PDLIM5: variants seen among roughly 807,000 people sequenced by gnomAD.
The protein encoded by PDLIM5 is PDZ and LIM domain 5.
PDLIM5 carries 34 observed loss-of-function variants against 64.2 expected under a neutral mutation model. The ratio of observed to expected loss-of-function variants is 0.53; its 90% CI spans 0.40 to 0.71. The LOEUF (loss-of-function observed/expected upper bound fraction) is 0.71, where lower values mean the gene tolerates loss of function less well. PDLIM5 is among the 30% of genes least tolerant of loss of function. The probability of loss-of-function intolerance (pLI) is 0.00; values close to 1 mark genes in which losing one functional copy is unlikely to be tolerated. For missense variants in PDLIM5, 683 were observed against 733.6 expected (o/e 0.93, Z 0.80); for synonymous variants, 253 against 269.1 (o/e 0.94, Z 0.59).
intron 2 of PDLIM5, among the ~76,000 whole-genome samples, chr4:94,461,237 A>G (rs1372366389): frequency 6.6e-6 from 1 of 152,222 alleles, no homozygotes; most frequent in African/African-American, 2.4e-5. Flanking sequence ...CCTTTATTTC[A>G]GTATCTGAGA....
chr4:94,594,483 G>T (rs544134063), intron 7 of PDLIM5, among the ~76,000 whole-genome samples: 1 of 151,930 alleles, frequency 6.6e-6, no homozygotes, highest in Admixed American at 6.6e-5. Flanking sequence ...AGAGGCAACA[G>T]CCATCTTATC....
At position 94,667,864 on chromosome 4, in the gene PDLIM5, G is replaced by A. The variant is rs1057494566; in HGVS notation, c.*3797G>A. On this transcript the variant is annotated 3_prime_UTR_variant, in exon 13 of 13. Coordinates refer to ENST00000317968, the MANE Select transcript of PDLIM5 (RefSeq NM_006457.5). ...TAATTTCTTCTTTACCCCCGTTCCA[G>A]TGTGAATCTAGTATTCTGTTAACAT... is the stretch of plus-strand genomic sequence containing the variant. 1.3e-5 allele frequency: 2 copies of A among 152,104 alleles called. No individual in the cohort carries two copies. The highest frequency in any genetic ancestry group is 1.5e-5 in the Non-Finnish European group (1 of 68,014). 9.4% of individuals were successfully genotyped at this position (152,104 alleles called of 1,614,324 possible). A position where few individuals can be genotyped will look rare whatever the true frequency, so the allele number is the denominator to read the frequency against.
At chr4:94,477,875 C>A (rs901716980) in intron 2 of PDLIM5, among the ~76,000 whole-genome samples, 10 of 152,110 alleles carry the variant, frequency 6.6e-5, no homozygotes, top group East Asian at 1.9e-4. Context: ...AGGATGAAGA[C>A]CTTTTTGATG....
rs914935014 is a variant in PDLIM5, at chr4:94,507,232, G to A, written c.97-16492G>A. Among the ~76,000 whole-genome samples the A allele has an allele frequency of 8.6e-5, 13 of 150,894 alleles. No homozygotes were observed. In the South Asian group the frequency reaches 2.7e-3, roughly 32 times the overall value. On this transcript the variant is annotated intron_variant, in intron 2 of 12. Transcript: ENST00000317968. ...AATAAATTCCCATATATATATATGG[G>A]ATATATATATATATCTCCTGTTGGT...
intron 9 of PDLIM5, among the ~76,000 whole-genome samples, chr4:94,646,675 A>G (rs940364816): frequency 1.3e-5 from 2 of 152,224 alleles, no homozygotes; most frequent in African/African-American, 2.4e-5. Flanking sequence ...TTTGAAAAGA[A>G]TGGAAAGCAG....
intron 8 of PDLIM5, among the ~76,000 whole-genome samples, chr4:94,627,430 G>C (rs990449946): frequency 6.6e-6 from 1 of 152,194 alleles, no homozygotes; most frequent in African/African-American, 2.4e-5. Context: ...CTCTTTCTGA[G>C]ATTAAAATAT....
intron 5 of PDLIM5, among the ~76,000 whole-genome samples, chr4:94,581,349 A>C (rs898956898): frequency 2.6e-5 from 4 of 152,174 alleles, no homozygotes; most frequent in Admixed American, 2.6e-4. Flanking sequence ...ATTTGCCCCC[A>C]TTTAACTTCA....
chr4:94,524,404 C>T (rs1382577323), intron 3 of PDLIM5, among the ~76,000 whole-genome samples: 2 of 146,814 alleles, frequency 1.4e-5, no homozygotes, highest in African/African-American at 5.0e-5. Flanking sequence ...ATTGTGTATA[C>T]AGCTTCAGAG....
chr4:94,618,029 T>C lies in PDLIM5; in HGVS notation c.946T>C (p.Leu316=). Residue 316 remains leucine, a synonymous_variant, in exon 8 of 13, where the codon TTG becomes CTG. Transcript: ENST00000317968. The part of the protein sequence containing the change: ...ANNSQEPSPQ[L]ASSVASTRSM... The stretch of plus-strand genomic sequence containing the variant: ...TAACTCTCAGGAGCCTTCTCCGCAG[T>C]TGGCTTCCTCGGTAGCTTCCACACG... The C allele has an allele frequency of 1.9e-6, 3 of 1,584,372 alleles. No homozygotes were observed. The highest frequency in any genetic ancestry group is 1.7e-6 in the Non-Finnish European group (2 of 1,165,390).
intron 2 of PDLIM5, among the ~76,000 whole-genome samples, chr4:94,518,367 T>G (rs1729546389): frequency 1.3e-5 from 2 of 152,228 alleles, no homozygotes; most frequent in African/African-American, 4.8e-5. Flanking sequence ...GTGGATAAGT[T>G]TTCCATTTAG....
intron 8 of PDLIM5, among the ~76,000 whole-genome samples, chr4:94,618,634 A>G (rs1738977429): frequency 1.3e-5 from 2 of 152,232 alleles, no homozygotes; most frequent in African/African-American, 4.8e-5. Context: ...TTTATGTAGC[A>G]TAGGGGAAGA....
chr4:94,545,187 T>A (rs892624305), intron 3 of PDLIM5, among the ~76,000 whole-genome samples: 1 of 152,226 alleles, frequency 6.6e-6, no homozygotes, highest in Non-Finnish European at 1.5e-5. Context: ...AAAATATAGT[T>A]CGAATGTCTG....
rs80004551 is a variant in PDLIM5 at position 94,592,185 on chromosome 4, G to A, written c.920+5741G>A. On this transcript the variant is annotated intron_variant, in intron 7 of 12. Transcript: ENST00000317968. The stretch of plus-strand genomic sequence containing the variant: ...TGTATTTAGAAATCAAATATAATCA[G>A]AGATATGTGAATGAAGCAATGAAAT... Among the ~76,000 whole-genome samples the A allele has an allele frequency of 1.5e-3, 230 of 152,346 alleles. 5 individuals are homozygous for A. The East Asian group carries it at 0.034, about 23-fold the overall frequency.
At chr4:94,452,357 C>T (rs1002137159) in intron 1 of PDLIM5, among the ~76,000 whole-genome samples, 2 of 152,166 alleles carry the variant, frequency 1.3e-5, no homozygotes, top group Non-Finnish European at 2.9e-5. Context: ...CCCACCCACC[C>T]GGCTGCCGGC....
intron 3 of PDLIM5, among the ~76,000 whole-genome samples, chr4:94,544,375 G>A (rs2452580): frequency 0.52 from 78,754 of 151,938 alleles, 21,464 homozygotes; most frequent in African/African-American, 0.68. Context: ...ACCCATATAG[G>A]TACATATTCT....
intron 12 of PDLIM5, 86 bp downstream of exon 12, chr4:94,662,623 T>C (rs1742827337): frequency 3.4e-6 from 2 of 594,626 alleles, no homozygotes; most frequent in Non-Finnish European, 6.2e-6. Flanking sequence ...AGCTTCTGGG[T>C]CTTTCAGTCC....
At chr4:94,547,425 C>T (rs927582020) in intron 3 of PDLIM5, among the ~76,000 whole-genome samples, 1 of 152,156 alleles carries the variant, frequency 6.6e-6, no homozygotes, top group Non-Finnish European at 1.5e-5. Flanking sequence ...CACATCATAT[C>T]ATCCTAACAG....
chr4:94,615,745 G>A (rs1174653396), intron 7 of PDLIM5, among the ~76,000 whole-genome samples: 1 of 152,180 alleles, frequency 6.6e-6, no homozygotes, highest in Admixed American at 6.6e-5. Flanking sequence ...CTCACAGAAA[G>A]CCTCATTAGG....
At chr4:94,461,127 A>G (rs1280431047) in intron 2 of PDLIM5, among the ~76,000 whole-genome samples, 3 of 152,208 alleles carry the variant, frequency 2.0e-5, no homozygotes, top group Non-Finnish European at 4.4e-5. Context: ...GTTATGATTT[A>G]GTTATTTCTA....
Sources: allele counts gnomAD v4.1 joint callset (sites outside exome capture counted in the v4.1 genomes callset), GRCh38; gene constraint gnomAD v4.1.1; transcripts MANE v1.5; gene names NCBI Gene and HGNC (gene_info 2026-07-23, HGNC 2026-07-21).